Variants in KCNH7 observed in about 807,000 individuals in gnomAD.
KCNH7 encodes the protein voltage-gated inwardly rectifying potassium channel KCNH7.
In KCNH7, 49 loss-of-function variants were observed where a neutral mutation model predicts 120.8. The observed-to-expected ratio is 0.41, with a 90% CI of 0.32 to 0.51. The LOEUF is 0.51. KCNH7 is among the 20% of genes least tolerant of loss of function. KCNH7 has a pLI of 0.38. For missense variants in KCNH7, 1,097 were observed against 1,446.6 expected (o/e 0.76, Z 3.92); for synonymous variants, 547 against 516.1 (o/e 1.06, Z -0.81).
rs141488100 is a variant in KCNH7, at chr2:162,422,355, C to T, written c.2154+981G>A. On this transcript the variant is annotated intron_variant, in intron 9 of 15. Transcript: ENST00000332142. ...TACCAATTTAAATTGTACAGGCTCA[C>T]TTACACAAAAATTGTTTCATGCAAT... Among the ~76,000 whole-genome samples, 12 of 152,228 alleles carry T rather than the reference C, an allele frequency of 7.9e-5. No individual in the cohort carries two copies. In the East Asian group the frequency reaches 2.3e-3, roughly 29 times the overall value.
intron 2 of KCNH7, among the ~76,000 whole-genome samples, chr2:162,640,558 T>C (rs1684118275): frequency 6.6e-6 from 1 of 151,902 alleles, no homozygotes; most frequent in Non-Finnish European, 1.5e-5. Context: ...TAACTCAAAA[T>C]GTATCACAGG....
chr2:162,486,649 C>G (rs1325211558), intron 6 of KCNH7, among the ~76,000 whole-genome samples: 2 of 152,072 alleles, frequency 1.3e-5, no homozygotes, highest in African/African-American at 4.8e-5. Flanking sequence ...CTATCTCAAG[C>G]TTTTCTTTTA....
chr2:162,708,242 G>T (rs2105353649), intron 2 of KCNH7, among the ~76,000 whole-genome samples: 1 of 152,096 alleles, frequency 6.6e-6, no homozygotes, highest in East Asian at 1.9e-4. Context: ...CAGGATGGGA[G>T]TCCTTAAGAC....
At chr2:162,630,558 T>C (rs1345807790) in intron 2 of KCNH7, among the ~76,000 whole-genome samples, 2 of 152,034 alleles carry the variant, frequency 1.3e-5, no homozygotes, top group Non-Finnish European at 2.9e-5. Context: ...CTTTAGCAAT[T>C]AGGATTTCTT....
intron 2 of KCNH7, among the ~76,000 whole-genome samples, chr2:162,690,187 C>A (rs373682291): frequency 2.0e-5 from 3 of 152,042 alleles, no homozygotes; most frequent in African/African-American, 7.2e-5. Flanking sequence ...GATGAGGATA[C>A]TTGGACACAT....
intron 2 of KCNH7, among the ~76,000 whole-genome samples, chr2:162,655,509 G>T (rs889385514): frequency 6.6e-6 from 1 of 152,020 alleles, no homozygotes; most frequent in African/African-American, 2.4e-5. Context: ...TGGTCTGGCC[G>T]GGCGTGGTGG....
chr2:162,632,220 C>T (rs1683797044), intron 2 of KCNH7, among the ~76,000 whole-genome samples: 1 of 151,762 alleles, frequency 6.6e-6, no homozygotes, highest in South Asian at 2.1e-4. Flanking sequence ...AGCAGGAATA[C>T]CCAATTAGAA....
chr2:162,413,291 G>A (rs1687446019), intron 9 of KCNH7, among the ~76,000 whole-genome samples: 1 of 151,976 alleles, frequency 6.6e-6, no homozygotes. Flanking sequence ...ACCACGACCA[G>A]CTAATTTTTG....
chr2:162,439,233 G>A (rs191884300), intron 7 of KCNH7, among the ~76,000 whole-genome samples: 22 of 152,000 alleles, frequency 1.4e-4, no homozygotes, highest in African/African-American at 5.1e-4. Context: ...TCTCTTAGAT[G>A]GTATTTCTTA....
intron 7 of KCNH7, among the ~76,000 whole-genome samples, chr2:162,439,106 T>A (rs1195624090): frequency 6.6e-6 from 1 of 152,108 alleles, no homozygotes; most frequent in Non-Finnish European, 1.5e-5. Flanking sequence ...CCAGCACATC[T>A]AATTTCATGT....
chr2:162,664,752 T>C (rs1252739293), intron 2 of KCNH7, among the ~76,000 whole-genome samples: 1 of 152,168 alleles, frequency 6.6e-6, no homozygotes, highest in African/African-American at 2.4e-5. Context: ...TTGTTTTCAG[T>C]TAGTATACAG....
chr2:162,757,249 T>C (rs970798714), intron 2 of KCNH7, among the ~76,000 whole-genome samples: 1 of 152,154 alleles, frequency 6.6e-6, no homozygotes, highest in Non-Finnish European at 1.5e-5. Flanking sequence ...AATGGGAATA[T>C]CAGTGTTTAG....
chr2:162,465,537 G>C (rs1237676161), intron 6 of KCNH7, among the ~76,000 whole-genome samples: 1 of 152,120 alleles, frequency 6.6e-6, no homozygotes, highest in African/African-American at 2.4e-5. Flanking sequence ...ATTTCTACCT[G>C]AGTATCTTTT....
At chr2:162,699,859 C>A (rs1291548845) in intron 2 of KCNH7, among the ~76,000 whole-genome samples, 1 of 151,994 alleles carries the variant, frequency 6.6e-6, no homozygotes, top group Non-Finnish European at 1.5e-5. Flanking sequence ...TAAGATAATG[C>A]CCTCCCTCTC....
At chr2:162,546,959 C>T (rs988344356) in intron 2 of KCNH7, among the ~76,000 whole-genome samples, 1 of 152,132 alleles carries the variant, frequency 6.6e-6, no homozygotes, top group Admixed American at 6.5e-5. Context: ...CTGTATTAGT[C>T]CATTCTCACC....
In KCNH7 at chr2:162,382,651, A is replaced by G. The variant is rs573971290; in HGVS notation, c.2962+2037T>C. 1.6e-4 allele frequency among the ~76,000 whole-genome samples: 24 copies of G among 152,114 alleles called. No homozygotes were observed. In the South Asian group the frequency reaches 5.0e-3, roughly 32 times the overall value. On this transcript the variant is annotated intron_variant, in intron 13 of 15. Transcript: ENST00000332142. ...TCCTCTGTTGGATTCAGCATCACAAATGTTAGGAATATGAGTGAGTGACAT... is the reference window on the plus strand; with the variant it reads ...TCCTCTGTTGGATTCAGCATCACAAGTGTTAGGAATATGAGTGAGTGACAT...
intron 2 of KCNH7, among the ~76,000 whole-genome samples, chr2:162,740,596 C>A (rs560653508): frequency 3.3e-5 from 5 of 152,314 alleles, no homozygotes; most frequent in African/African-American, 1.2e-4. Flanking sequence ...CCGTGCTCAA[C>A]AACGGTAATG....
intron 2 of KCNH7, among the ~76,000 whole-genome samples, chr2:162,588,125 T>G (rs1694080333): frequency 6.6e-6 from 1 of 152,098 alleles, no homozygotes; most frequent in African/African-American, 2.4e-5. Flanking sequence ...ACTAAAGCAC[T>G]GCCACAACCT....
chr2:162,705,744 A>G (rs1040632024), intron 2 of KCNH7, among the ~76,000 whole-genome samples: 5 of 152,106 alleles, frequency 3.3e-5, no homozygotes, highest in African/African-American at 1.2e-4. Context: ...ACCCATCTAA[A>G]TCCTTGCTGA....
Sources: gnomAD v4.1 joint callset for allele counts (sites outside exome capture counted in the v4.1 genomes callset) on GRCh38, gnomAD v4.1.1 for gene constraint, MANE v1.5 for transcripts, NCBI Gene and HGNC (gene_info 2026-07-23, HGNC 2026-07-21) for gene names.